SERPINI1: variants seen among roughly 807,000 people sequenced by gnomAD.
The protein encoded by SERPINI1 is serpin family I member 1.
Under a neutral mutation model 41.1 loss-of-function variants are expected in SERPINI1, and 19 were observed. The observed-to-expected ratio is 0.46, with a 90% CI of 0.32 to 0.68. The LOEUF is 0.68. Ranked by LOEUF, SERPINI1 falls within the 30% of genes least tolerant of loss-of-function variation. The probability of loss-of-function intolerance (pLI) is 0.03; values close to 1 mark genes in which losing one functional copy is unlikely to be tolerated. For missense variants in SERPINI1, 460 were observed against 479.2 expected, an observed-to-expected ratio of 0.96 and a Z score of 0.37; for synonymous variants, 138 against 156.6, an observed-to-expected ratio of 0.88 and a Z score of 0.89.
At chr3:167,798,886 G>A (rs77003737) in intron 5 of SERPINI1, among the ~76,000 whole-genome samples, 8,521 of 152,108 alleles carry the variant, frequency 0.056, 271 homozygotes, top group Middle Eastern at 0.082. Context: ...ATTGGGTGCT[G>A]TGCTCACTAT....
chr3:167,784,644 G>A (rs1727246795), intron 1 of SERPINI1, among the ~76,000 whole-genome samples: 1 of 152,160 alleles, frequency 6.6e-6, no homozygotes, highest in Non-Finnish European at 1.5e-5. Flanking sequence ...GAGAGTGCAA[G>A]CATGGGAAAT....
At chr3:167,772,864 C>CTCTA (rs1374013676) in intron 1 of SERPINI1, among the ~76,000 whole-genome samples, 11 of 24,652 alleles carry the variant, frequency 4.5e-4, no homozygotes, top group Admixed American at 6.3e-4. Context: ...CTCTCTCTCT[C>CTCTA]TATATATATA....
chr3:167,807,524 A>C (rs961426914), intron 6 of SERPINI1, among the ~76,000 whole-genome samples, 183 bp downstream of exon 6: 10 of 152,202 alleles, frequency 6.6e-5, no homozygotes, highest in African/African-American at 2.4e-4. Flanking sequence ...CTTAACATTA[A>C]GTTTATATTA....
At chr3:167,815,848 G>C (rs1305139299) in intron 6 of SERPINI1, among the ~76,000 whole-genome samples, 1 of 152,074 alleles carries the variant, frequency 6.6e-6, no homozygotes, top group Admixed American at 6.6e-5. Context: ...TTCAATCTTT[G>C]CTGTCTTTGA....
At chr3:167,753,097 A>C (rs910878221) in intron 1 of SERPINI1, among the ~76,000 whole-genome samples, 2 of 152,088 alleles carry the variant, frequency 1.3e-5, no homozygotes, top group African/African-American at 2.4e-5. Context: ...GGCCCAGTAC[A>C]CAGTGGATGC....
At chr3:167,739,422 A>G (rs1439986826) in intron 1 of SERPINI1, among the ~76,000 whole-genome samples, 1 of 152,198 alleles carries the variant, frequency 6.6e-6, no homozygotes, top group Non-Finnish European at 1.5e-5. Context: ...GAATGTCTTT[A>G]TGCTAGTTTG....
At chr3:167,824,687 T>C in intron 8 of SERPINI1, 125 bp downstream of exon 8, 1 of 629,208 alleles carries the variant, frequency 1.6e-6, no homozygotes, top group Non-Finnish European at 2.8e-6. Flanking sequence ...ATTTATTCTC[T>C]TTCCAGAGAT....
intron 5 of SERPINI1, 93 bp from the exon 6 acceptor site, chr3:167,807,151 C>A: frequency 1.1e-6 from 1 of 889,004 alleles, no homozygotes; most frequent in Non-Finnish European, 1.9e-6. Context: ...CTCCATAAAG[C>A]AGACTTTAAA....
intron 1 of SERPINI1, among the ~76,000 whole-genome samples, chr3:167,747,680 C>T (rs914493516): frequency 6.6e-6 from 1 of 152,172 alleles, no homozygotes; most frequent in Non-Finnish European, 1.5e-5. Context: ...CTAGATTATA[C>T]ACCTTAAAAG....
intron 1 of SERPINI1, among the ~76,000 whole-genome samples, chr3:167,743,445 C>A (rs944084675): frequency 6.6e-6 from 1 of 152,054 alleles, no homozygotes; most frequent in Non-Finnish European, 1.5e-5. Context: ...TAATTTTTTT[C>A]TCTGCCTATA....
intron 4 of SERPINI1, 128 bp downstream of exon 4, chr3:167,792,912 C>T: frequency 2.6e-6 from 2 of 771,588 alleles, no homozygotes; most frequent in Non-Finnish European, 4.3e-6. Flanking sequence ...TTTTTTGGCT[C>T]CATTTTAAAA....
At chr3:167,822,765 C>T (rs1475161104) in intron 6 of SERPINI1, among the ~76,000 whole-genome samples, 5 of 151,662 alleles carry the variant, frequency 3.3e-5, no homozygotes, top group Non-Finnish European at 7.4e-5. Flanking sequence ...GGAAAACCAC[C>T]AATAAAAACA....
chr3:167,764,005 T>C (rs1726474203), intron 1 of SERPINI1, among the ~76,000 whole-genome samples: 2 of 134,864 alleles, frequency 1.5e-5, no homozygotes, highest in African/African-American at 3.3e-5. Flanking sequence ...TGAATTATAC[T>C]AGGATCTAAA....
At position 167,804,288 on chromosome 3, in the gene SERPINI1, A is replaced by G. The variant is rs563006948; in HGVS notation, c.882-2956A>G. Among the ~76,000 whole-genome samples, 6 of 152,280 alleles carry G rather than the reference A, an allele frequency of 3.9e-5. No individual in the cohort carries two copies. The South Asian group carries it at 1.2e-3, about 32-fold the overall frequency. Reference sequence around the variant, plus strand: ...AACCTGCTAAGACTATTTTCCACTAATCATTCCTTTTGTTTACCGCCATCA... The same window carrying G: ...AACCTGCTAAGACTATTTTCCACTAGTCATTCCTTTTGTTTACCGCCATCA... On this transcript the variant is annotated intron_variant, in intron 5 of 8. Transcript: ENST00000446050.
chr3:167,806,320 C>T (rs1251464736), intron 5 of SERPINI1, among the ~76,000 whole-genome samples: 1 of 151,530 alleles, frequency 6.6e-6, no homozygotes, highest in East Asian at 1.9e-4. Context: ...TGGGTCCTGT[C>T]TGAGGGGGTA....
At chr3:167,819,294 A>T (rs1228185612) in intron 6 of SERPINI1, among the ~76,000 whole-genome samples, 1 of 152,186 alleles carries the variant, frequency 6.6e-6, no homozygotes, top group Non-Finnish European at 1.5e-5. Context: ...GATAATAGGC[A>T]TGAGCCACTG....
intron 1 of SERPINI1, among the ~76,000 whole-genome samples, chr3:167,773,020 CTT>C (rs1726843932): frequency 6.7e-6 from 1 of 149,128 alleles, no homozygotes; most frequent in Admixed American, 6.7e-5. Context: ...ACACAACTAA[CTT>C]TAACTTTTGG....
intron 1 of SERPINI1, among the ~76,000 whole-genome samples, chr3:167,744,632 T>G (rs997075317): frequency 1.5e-5 from 2 of 135,366 alleles, no homozygotes; most frequent in Admixed American, 1.6e-4. Flanking sequence ...TTTAAATATT[T>G]TATATTTATA....
intron 1 of SERPINI1, among the ~76,000 whole-genome samples, chr3:167,752,480 T>A (rs534547646): frequency 1.3e-5 from 2 of 152,162 alleles, no homozygotes; most frequent in Non-Finnish European, 2.9e-5. Flanking sequence ...GTTACCTCTG[T>A]CTTGTCCAAT....
Sources: gnomAD v4.1 joint callset for allele counts (sites outside exome capture counted in the v4.1 genomes callset) on GRCh38, gnomAD v4.1.1 for gene constraint, MANE v1.5 for transcripts, NCBI Gene and HGNC (gene_info 2026-07-23, HGNC 2026-07-21) for gene names.